Variants in TTLL7 observed in about 807,000 individuals in gnomAD.
TTLL7 encodes the protein tubulin tyrosine ligase like 7.
Under a neutral mutation model 120.2 loss-of-function variants are expected in TTLL7, and 53 were observed. The observed-to-expected ratio is 0.44, with a 90% CI of 0.35 to 0.55. TTLL7 has a LOEUF of 0.55. TTLL7 is among the 20% of genes least tolerant of loss of function. TTLL7 has a pLI of 0.00. For missense variants in TTLL7, 803 were observed against 1,054.7 expected (o/e 0.76, Z 3.31); for synonymous variants, 353 against 351.7 (o/e 1.00, Z -0.04).
At chr1:83,892,920 A>AAAAG (rs1411665746) in intron 18 of TTLL7, among the ~76,000 whole-genome samples, 11 of 111,648 alleles carry the variant, frequency 9.9e-5, no homozygotes, top group Non-Finnish European at 1.7e-4. Context: ...AGAAAAAAGA[A>AAAAG]AGAAAAAGAG....
intron 6 of TTLL7, among the ~76,000 whole-genome samples, chr1:83,944,206 G>A (rs1255498580): frequency 1.3e-5 from 2 of 151,956 alleles, no homozygotes; most frequent in Non-Finnish European, 1.5e-5. Context: ...GTCTCAGAAG[G>A]AGAGAAGACA....
chr1:83,947,448 A>T (rs1384067056), intron 5 of TTLL7, 166 bp from the exon 6 acceptor site: 2 of 609,586 alleles, frequency 3.3e-6, no homozygotes, highest in African/African-American at 3.8e-5. Flanking sequence ...GCACCTATTA[A>T]GTGTTAGACA....
rs1653205622 is a variant in TTLL7 at position 83,870,089 on chromosome 1, A to C, written c.2544-7T>G. On this transcript the variant is annotated splice_region_variant and splice_polypyrimidine_tract_variant and intron_variant, in intron 20 of 20. Coordinates refer to ENST00000260505, the MANE Select transcript of TTLL7 (RefSeq NM_024686.6). ...GCTCCCTGGTAGTAAATACCTAAAAATGATGGTTAACAAATTAGATTTTTA... is the reference window on the plus strand; with the variant it reads ...GCTCCCTGGTAGTAAATACCTAAAACTGATGGTTAACAAATTAGATTTTTA... The C allele has an allele frequency of 1.3e-6, 2 of 1,540,290 alleles. No homozygotes were observed. Among genetic ancestry groups the C allele is most frequent in the Non-Finnish European group, 1.7e-6 (2 of 1,152,694 alleles).
intron 15 of TTLL7, among the ~76,000 whole-genome samples, chr1:83,908,803 A>G (rs977239861): frequency 6.6e-6 from 1 of 151,930 alleles, no homozygotes; most frequent in Non-Finnish European, 1.5e-5. Context: ...TCTCTTCATT[A>G]GCTGTTGAAA....
chr1:83,970,166 G>A (rs139202631), intron 1 of TTLL7, among the ~76,000 whole-genome samples: 8 of 152,114 alleles, frequency 5.3e-5, no homozygotes, highest in African/African-American at 1.9e-4. Context: ...TTCCTAATTA[G>A]TACACAAGGA....
At chr1:83,871,294 CA>C (rs1653369152) in intron 20 of TTLL7, among the ~76,000 whole-genome samples, 1 of 152,050 alleles carries the variant, frequency 6.6e-6, no homozygotes, top group Non-Finnish European at 1.5e-5. Context: ...TTAGACATTG[CA>C]AGTGAAAGAT....
chr1:83,943,332 T>G (rs1648161202), intron 6 of TTLL7, among the ~76,000 whole-genome samples: 1 of 152,114 alleles, frequency 6.6e-6, no homozygotes, highest in African/African-American at 2.4e-5. Flanking sequence ...ACCAGTTACA[T>G]GCCCAAGGTT....
intron 7 of TTLL7, among the ~76,000 whole-genome samples, chr1:83,940,291 C>T (rs1049735913): frequency 1.3e-5 from 2 of 152,108 alleles, no homozygotes; most frequent in Non-Finnish European, 2.9e-5. Context: ...AAAAAGATCA[C>T]TCCCACCTTA....
chr1:83,942,421 G>A, intron 7 of TTLL7, 42 bp downstream of exon 7: 1 of 1,515,858 alleles, frequency 6.6e-7, no homozygotes. Flanking sequence ...AGTATATGTT[G>A]ACAAATGAAT....
chr1:83,906,919 C>T (rs915402193), intron 16 of TTLL7, among the ~76,000 whole-genome samples: 1 of 152,026 alleles, frequency 6.6e-6, no homozygotes, highest in African/African-American at 2.4e-5. Context: ...ATTTGAGCAT[C>T]TAAAAGTAAG....
At chr1:83,892,924 A>AAGAAAG (rs1304872112) in intron 18 of TTLL7, among the ~76,000 whole-genome samples, 4 of 78,938 alleles carry the variant, frequency 5.1e-5, no homozygotes, top group Admixed American at 1.5e-4. Flanking sequence ...AAAAGAAAGA[A>AAGAAAG]AAAGAGAAAG....
At chr1:83,983,693 T>C (rs910336786) in intron 1 of TTLL7, 1 of 152,046 alleles carries the variant, frequency 6.6e-6, no homozygotes, top group South Asian at 2.1e-4. Context: ...ACCTACAGAA[T>C]GGGAGAAAAT....
chr1:83,942,573 G>A lies in TTLL7; in HGVS notation c.613C>T (p.Arg205Ter), dbSNP rs1648081044. ...CACGATGTAACCAGAATATAAATTC[G>A]TAAGTCAAACTTGTAACCTTCCATT... ...FLMEGYKFDL[R>*]IYILVTSCDP... The change falls in exon 7 of 21, where the codon CGA becomes TGA. Residue 205 changes from arginine (R) to a stop codon, truncating the protein, a stop_gained. Transcript: ENST00000260505. LOFTEE classifies it high-confidence loss of function. 1.9e-6 allele frequency: 3 copies of A among 1,613,742 alleles called. No individual in the cohort carries two copies. Among genetic ancestry groups the A allele is most frequent in the Non-Finnish European group, 2.5e-6 (3 of 1,179,842 alleles).
At position 83,949,804 on chromosome 1, in the gene TTLL7, A is replaced by T. The variant is rs765633228; in HGVS notation, c.279+61T>A. 568 of 1,585,452 alleles carry T rather than the reference A, an allele frequency of 3.6e-4. 1 individual carries two copies. The highest frequency in any genetic ancestry group is 4.4e-4 in the Non-Finnish European group (515 of 1,163,902). The stretch of plus-strand genomic sequence containing the variant: ...AACATATTAAGAACCTATCTAAAAA[A>T]GTTATGTGGAATCCATATAACTTTC... On this transcript the variant is annotated intron_variant, in intron 4 of 20. Transcript: ENST00000260505.
At position 83,907,446 on chromosome 1, in the gene TTLL7, G is replaced by A; in HGVS notation, c.1992+10C>T. ...CCTGTAATCTTGAAAGAGCAAAACA[G>A]ATGACCTACCACTTGAGAGTTGGTA... On this transcript the variant is annotated intron_variant, in intron 16 of 20. Transcript: ENST00000260505. 6.2e-7 allele frequency: 1 copy of A among 1,611,496 alleles called. No individual in the cohort carries two copies. The highest frequency in any genetic ancestry group is 8.5e-7 in the Non-Finnish European group (1 of 1,178,452).
At chr1:83,920,972 A>C (rs2100795161) in intron 12 of TTLL7, 115 bp downstream of exon 12, 1 of 1,117,878 alleles carries the variant, frequency 8.9e-7, no homozygotes, top group East Asian at 2.5e-5. Context: ...AGCAAAAAGC[A>C]CTTGCTTGGA....
chr1:83,931,661 T>C (rs1403211342), intron 9 of TTLL7, among the ~76,000 whole-genome samples: 1 of 119,496 alleles, frequency 8.4e-6, no homozygotes, highest in Non-Finnish European at 2.1e-5. Context: ...ACTTAGTAGG[T>C]TCCTGTTTAA....
chr1:83,977,086 T>C (rs1651558173), intron 1 of TTLL7, among the ~76,000 whole-genome samples: 1 of 151,926 alleles, frequency 6.6e-6, no homozygotes, highest in Non-Finnish European at 1.5e-5. Context: ...TATACATATA[T>C]AGCTTTGATA....
rs913531083 is a variant in TTLL7 at position 83,867,357 on chromosome 1, T to C, written c.*2605A>G. 6.6e-6 allele frequency: 1 copy of C among 152,016 alleles called. No homozygotes were observed. The highest frequency in any genetic ancestry group is 1.5e-5 in the Non-Finnish European group (1 of 67,896). 9.4% of individuals were successfully genotyped at this position (152,016 alleles called of 1,614,324 possible). A position where few individuals can be genotyped will look rare whatever the true frequency, so the allele number is the denominator to read the frequency against. On this transcript the variant is annotated 3_prime_UTR_variant, in exon 21 of 21. Transcript: ENST00000260505. The stretch of plus-strand genomic sequence containing the variant: ...ATATATAAATAATGAACACAAGGCT[T>C]TTATTCACAACTTCATCATATCAAA...
Sources: gnomAD v4.1 joint callset for allele counts (sites outside exome capture counted in the v4.1 genomes callset) on GRCh38, gnomAD v4.1.1 for gene constraint, MANE v1.5 for transcripts, NCBI Gene and HGNC (gene_info 2026-07-23, HGNC 2026-07-21) for gene names.